ANK1: variants seen among roughly 807,000 people sequenced by gnomAD.
ANK1 encodes ankyrin-1.
ANK1 carries 51 observed loss-of-function variants against 210.4 expected under a neutral mutation model. The observed-to-expected ratio is 0.24, with a 90% CI of 0.19 to 0.31. ANK1 has a LOEUF of 0.31. ANK1 is among the 10% of genes least tolerant of loss of function. The probability of loss-of-function intolerance (pLI) is 1.00; values close to 1 mark genes in which losing one functional copy is unlikely to be tolerated. For synonymous variants in ANK1, 967 were observed against 1,025.9 expected (o/e 0.94, Z 1.10); for missense variants, 2,051 against 2,504.4 (o/e 0.82, Z 3.86).
At chr8:41,885,629 C>T (rs1361495084) in intron 1 of ANK1, among the ~76,000 whole-genome samples, 1 of 152,214 alleles carries the variant, frequency 6.6e-6, no homozygotes, top group East Asian at 1.9e-4. Flanking sequence ...GCTAAACAAG[C>T]TGTGGAAGGG....
chr8:41,700,635 A>C (rs1822496439), intron 22 of ANK1, among the ~76,000 whole-genome samples: 1 of 152,206 alleles, frequency 6.6e-6, no homozygotes, highest in South Asian at 2.1e-4. Context: ...CCCACTATTC[A>C]ACATCCTCAG....
chr8:41,865,492 C>A (rs369110552), intron 1 of ANK1, among the ~76,000 whole-genome samples: 1 of 152,130 alleles, frequency 6.6e-6, no homozygotes, highest in South Asian at 2.1e-4. Context: ...CCGAGGCCTC[C>A]CAGATCTGCA....
intron 18 of ANK1, among the ~76,000 whole-genome samples, chr8:41,705,281 T>C (rs1824251626): frequency 6.6e-6 from 1 of 152,134 alleles, no homozygotes; most frequent in Admixed American, 6.5e-5. Flanking sequence ...GGCTTTTGGA[T>C]CCTCAAGGCC....
rs527472871 is a variant in ANK1, at chr8:41,717,858, A to T, written c.1207-156T>A. Among the ~76,000 whole-genome samples the T allele has an allele frequency of 2.0e-5, 3 of 152,320 alleles. No homozygotes were observed. In the South Asian group the frequency reaches 6.2e-4, roughly 32 times the overall value. On this transcript the variant is annotated intron_variant, in intron 11 of 42. Coordinates refer to ENST00000289734, the MANE Select transcript of ANK1 (RefSeq NM_000037.4). ...CTTCCAAGAAAATGGTTGGAGAAAA[A>T]AATTACTGTGGGCAAGTCGTGCCCA...
intron 1 of ANK1, among the ~76,000 whole-genome samples, chr8:41,823,567 TG>T (rs1331235053): frequency 5.3e-5 from 8 of 151,804 alleles, no homozygotes; most frequent in Non-Finnish European, 1.2e-4. Flanking sequence ...GAGACCAGCC[TG>T]GGCAACACAG....
chr8:41,703,968 G>T, intron 20 of ANK1, 73 bp downstream of exon 20: 2 of 1,392,652 alleles, frequency 1.4e-6, no homozygotes, highest in Non-Finnish European at 2.0e-6. Flanking sequence ...TAACCTCTAC[G>T]GTTAGGGGAG....
Position 41,719,753 on chromosome 8 carries a change from G to C in ANK1, c.1015C>G (p.Leu339Val). The C allele has an allele frequency of 6.2e-7, 1 of 1,614,232 alleles. No homozygotes were observed. The highest frequency in any genetic ancestry group is 1.1e-5 in the South Asian group (1 of 91,086). ...AEIDDITLDH[L>V]TPLHVAAHCG... ...TGGGCAGCCACGTGGAGTGGGGTCA[G>C]GTGGTCCAGGGTGATGTCGTCTATC... The change falls in exon 10 of 43, where the codon CTG (leucine) becomes GTG (valine). Residue 339 changes from leucine to valine, a missense_variant. Physicochemically the swap from Leu to Val is conservative, Grantham distance 32. Transcript: ENST00000289734.
chr8:41,727,393 A>C, intron 4 of ANK1, 45 bp from the exon 5 acceptor site: 1 of 1,395,550 alleles, frequency 7.2e-7, no homozygotes, highest in Non-Finnish European at 1.0e-6. Context: ...CCGCAATTTA[A>C]GAAAGGCCTA....
intron 35 of ANK1, 41 bp from the exon 36 acceptor site, chr8:41,686,324 C>T (rs751171336): frequency 1.1e-5 from 18 of 1,611,942 alleles, no homozygotes; most frequent in South Asian, 4.4e-5. Context: ...GCCTCCAGCT[C>T]ACCAACAGCA....
chr8:41,821,208 A>G (rs1339694668), intron 1 of ANK1, among the ~76,000 whole-genome samples: 1 of 152,236 alleles, frequency 6.6e-6, no homozygotes, highest in Admixed American at 6.5e-5. Context: ...AGTCTACAAA[A>G]TCATGAGAGA....
At chr8:41,763,125 A>G (rs1840832703) in intron 1 of ANK1, among the ~76,000 whole-genome samples, 1 of 152,012 alleles carries the variant, frequency 6.6e-6, no homozygotes, top group Non-Finnish European at 1.5e-5. Flanking sequence ...GTGAGGCAGA[A>G]GAATCACTTG....
chr8:41,784,605 C>A (rs894486810), intron 1 of ANK1, among the ~76,000 whole-genome samples: 10 of 152,164 alleles, frequency 6.6e-5, no homozygotes, highest in Non-Finnish European at 1.0e-4. Flanking sequence ...GCATGTATAA[C>A]TAAATCTATT....
chr8:41,696,018 T>TA (rs1286714385), intron 26 of ANK1, among the ~76,000 whole-genome samples: 1 of 152,270 alleles, frequency 6.6e-6, no homozygotes, highest in East Asian at 1.9e-4. Flanking sequence ...GCCTTGTCTC[T>TA]AGTGTCACAC....
At chr8:41,857,479 C>A (rs1812420580) in intron 1 of ANK1, among the ~76,000 whole-genome samples, 1 of 151,922 alleles carries the variant, frequency 6.6e-6, no homozygotes, top group Admixed American at 6.6e-5. Flanking sequence ...TGGCTCACGC[C>A]TGTAATCCCA....
rs781479938 is a variant in ANK1, at chr8:41,716,958, C to G, written c.1399G>C (p.Ala467Pro). 1.9e-6 allele frequency: 3 copies of G among 1,614,046 alleles called. No individual in the cohort carries two copies. In the Admixed American group the frequency reaches 5.0e-5, roughly 27 times the overall value. Residue 467 changes from alanine (A) to proline (P), a missense_variant, in exon 13 of 43, where the codon GCC becomes CCC. This residue lies in a region of ANK1 where 1,413 missense variants were observed against 1,707.4 expected (regional missense o/e 0.83). Coordinates refer to ENST00000289734, the MANE Select transcript of ANK1 (RefSeq NM_000037.4). ...LQNKAKVNAKAKDDQTPLHCA... is the reference protein window; with the variant it reads ...LQNKAKVNAKPKDDQTPLHCA... ...TTCCTGCCTTCACTACTCACCTTGG[C>G]CTTGGCATTGACTTTGGCTTTGTTC...
At chr8:41,655,918 C>T (rs74828008) in intron 42 of ANK1, among the ~76,000 whole-genome samples, 165 bp from the exon 43 acceptor site, 495 of 152,336 alleles carry the variant, frequency 3.2e-3, no homozygotes, top group Non-Finnish European at 5.5e-3. Flanking sequence ...ACTTGCAGCC[C>T]GACTTCCTGA....
intron 36 of ANK1, among the ~76,000 whole-genome samples, chr8:41,685,082 C>G (rs1166846889): frequency 6.6e-6 from 1 of 152,140 alleles, no homozygotes; most frequent in Admixed American, 6.6e-5. Flanking sequence ...GTGCATGCCA[C>G]CACGCCCTGC....
intron 1 of ANK1, among the ~76,000 whole-genome samples, chr8:41,893,781 A>T (rs4737021): frequency 1.3e-5 from 2 of 152,084 alleles, no homozygotes; most frequent in African/African-American, 4.8e-5. Context: ...AGAAACGGAA[A>T]CTGGGTCCAC....
chr8:41,666,018 A>T (rs1377422243), intron 39 of ANK1, among the ~76,000 whole-genome samples: 2 of 152,216 alleles, frequency 1.3e-5, no homozygotes, highest in Non-Finnish European at 2.9e-5. Context: ...TTCCTCTCTG[A>T]GTGGCAATGC....
Sources: allele counts gnomAD v4.1 joint callset (sites outside exome capture counted in the v4.1 genomes callset), GRCh38; gene constraint gnomAD v4.1.1; regional missense constraint gnomAD v4.1.1; transcripts MANE v1.5; gene names NCBI Gene and HGNC (gene_info 2026-07-23, HGNC 2026-07-21).